The following KIAA0586 variants were observed in gnomAD, a reference collection of about 807,000 sequenced individuals.
The protein encoded by KIAA0586 is KIAA0586.
KIAA0586 carries 144 observed loss-of-function variants against 169.8 expected under a neutral mutation model. The ratio of observed to expected loss-of-function variants is 0.85; its 90% confidence interval spans 0.74 to 0.97. The LOEUF (loss-of-function observed/expected upper bound fraction) is 0.97, where lower values mean the gene tolerates loss of function less well. KIAA0586 is among the 50% of genes least tolerant of loss of function. The probability of loss-of-function intolerance (pLI) is 0.00; values close to 1 mark genes in which losing one functional copy is unlikely to be tolerated. For missense variants in KIAA0586, 1,854 were observed against 1,823.0 expected, an observed-to-expected ratio of 1.02 and a Z score of -0.31; for synonymous variants, 625 against 612.4, an observed-to-expected ratio of 1.02 and a Z score of -0.30.
chr14:58,517,780 A>C (rs1356985314), intron 29 of KIAA0586, among the ~76,000 whole-genome samples: 2 of 152,218 alleles, frequency 1.3e-5, no homozygotes, highest in Admixed American at 6.5e-5. Context: ...ATACAATGGA[A>C]TAGTACTCAG....
intron 9 of KIAA0586, among the ~76,000 whole-genome samples, chr14:58,455,712 ATGCACATGCATG>A (rs2039776712): frequency 6.6e-6 from 1 of 151,990 alleles, no homozygotes; most frequent in Non-Finnish European, 1.5e-5. Flanking sequence ...GTGCGAGTGC[ATGCACATGCATG>A]TGCTAGAGCA....
chr14:58,492,465 A>G (rs2042898112), intron 26 of KIAA0586, among the ~76,000 whole-genome samples, 190 bp downstream of exon 26: 1 of 152,192 alleles, frequency 6.6e-6, no homozygotes, highest in Admixed American at 6.6e-5. Context: ...ATCTGTTCCA[A>G]CCACCTTGTT....
chr14:58,540,855 C>G (rs1305717197), intron 30 of KIAA0586, among the ~76,000 whole-genome samples: 1 of 152,056 alleles, frequency 6.6e-6, no homozygotes, highest in East Asian at 1.9e-4. Flanking sequence ...GATGAGGCAC[C>G]TTCTTCATCA....
Position 58,472,267 on chromosome 14 carries a change from C to A in KIAA0586, c.2622C>A (p.Ile874=). ...CAGGAACTAACTTTGATGAAATAAT[C>A]GATGTCATACAGGTAACAAAGCTTA... is the stretch of plus-strand genomic sequence containing the variant. ...KFPGTNFDEI[I]DVIQEEEKCD... Residue 874 remains isoleucine, a synonymous_variant, in exon 18 of 31, where the codon ATC becomes ATA. Transcript: ENST00000652326. 1 of 1,551,128 alleles carries A rather than the reference C, an allele frequency of 6.4e-7. No homozygotes were observed. Among genetic ancestry groups the A allele is most frequent in the South Asian group, 1.2e-5 (1 of 81,780 alleles).
intron 8 of KIAA0586, among the ~76,000 whole-genome samples, chr14:58,452,382 A>C (rs1391865153): frequency 2.0e-5 from 3 of 152,224 alleles, no homozygotes; most frequent in Non-Finnish European, 2.9e-5. Context: ...AATTCTTGGA[A>C]TCATTTAAAT....
At chr14:58,470,449 A>C (rs2041119754) in intron 16 of KIAA0586, among the ~76,000 whole-genome samples, 164 bp from the exon 17 acceptor site, 1 of 152,126 alleles carries the variant, frequency 6.6e-6, no homozygotes, top group South Asian at 2.1e-4. Context: ...TTCATAATTA[A>C]AAAATTTTGT....
chr14:58,471,465 T>C (rs912860550), intron 17 of KIAA0586, among the ~76,000 whole-genome samples: 1 of 152,238 alleles, frequency 6.6e-6, no homozygotes, highest in African/African-American at 2.4e-5. Context: ...AATGAAGTTA[T>C]GGCTTTACTA....
At chr14:58,515,920 A>T (rs2044719188) in intron 29 of KIAA0586, among the ~76,000 whole-genome samples, 1 of 151,642 alleles carries the variant, frequency 6.6e-6, no homozygotes, top group Non-Finnish European at 1.5e-5. Flanking sequence ...AAAATCATTA[A>T]CATTTCTTGA....
At chr14:58,482,910 ACAGGCACCAGCCAC>A (rs1432619761) in intron 21 of KIAA0586, among the ~76,000 whole-genome samples, 198 bp downstream of exon 21, 16 of 152,166 alleles carry the variant, frequency 1.1e-4, no homozygotes, top group African/African-American at 3.6e-4. Context: ...AGCTGGGATT[ACAGGCACCAGCCAC>A]CATGCCCAGC....
chr14:58,557,191 T>C, the KIAA0586 span, among the ~76,000 whole-genome samples: 28 of 152,218 alleles, frequency 1.8e-4, no homozygotes, highest in Non-Finnish European at 3.8e-4. Context: ...GCATTTATTT[T>C]AGTAGACAGA....
At chr14:58,465,250 TTGTC>T (rs935995533) in intron 14 of KIAA0586, among the ~76,000 whole-genome samples, 33 of 152,286 alleles carry the variant, frequency 2.2e-4, no homozygotes, top group Middle Eastern at 3.4e-3. Context: ...TAGAATTTGA[TTGTC>T]TGTACATAAT....
chr14:58,436,541 C>T (rs1047930286), intron 4 of KIAA0586, among the ~76,000 whole-genome samples: 5 of 151,932 alleles, frequency 3.3e-5, no homozygotes, highest in Non-Finnish European at 7.4e-5. Flanking sequence ...TGGCTGTGGT[C>T]AGTCTTAAAA....
At chr14:58,552,764 T>G (rs1221642082), downstream of KIAA0586, among the ~76,000 whole-genome samples, 2 of 152,342 alleles carry the variant, frequency 1.3e-5, no homozygotes, top group South Asian at 2.1e-4. Flanking sequence ...CCAGGAGTAG[T>G]TCTCAGTATA....
intron 18 of KIAA0586, among the ~76,000 whole-genome samples, chr14:58,473,994 A>C (rs1203308101): frequency 6.6e-6 from 1 of 152,254 alleles, no homozygotes; most frequent in East Asian, 1.9e-4. Flanking sequence ...ACTTCTGGTC[A>C]GGACCTCAGG....
At chr14:58,464,120 A>G (rs1595211620) in intron 14 of KIAA0586, 1 of 401,872 alleles carries the variant, frequency 2.5e-6, no homozygotes, top group Non-Finnish European at 5.0e-6. Context: ...GCTGGGCTGG[A>G]AGAACTGGAA....
At chr14:58,555,099 CTTTTTTT>C (rs35845234), downstream of KIAA0586, among the ~76,000 whole-genome samples, 3 of 102,560 alleles carry the variant, frequency 2.9e-5, no homozygotes, top group Non-Finnish European at 5.5e-5. Flanking sequence ...TTCTTTCTTT[CTTTTTTT>C]TTTTTTTTTT....
Position 58,548,212 on chromosome 14 carries a change from T to C in KIAA0586, c.*280T>C, listed in dbSNP as rs983652538. The C allele has an allele frequency of 2.3e-5, 7 of 307,166 alleles. No homozygotes were observed. The highest frequency in any genetic ancestry group is 1.5e-4 in the African/African-American group (7 of 46,482). The allele number at this position is 307,166 out of a possible 1,614,324, so 19.0% of individuals were successfully genotyped here. On this transcript the variant is annotated 3_prime_UTR_variant, in exon 31 of 31. Transcript: ENST00000652326. ...TTTTGACATCTAGGCATTTAATCTA[T>C]AGGTGTAATTATCTGTATGTATTTA...
At chr14:58,535,757 GTTAC>G (rs1320720778) in intron 29 of KIAA0586, among the ~76,000 whole-genome samples, 1 of 145,816 alleles carries the variant, frequency 6.9e-6, no homozygotes, top group East Asian at 2.0e-4. Context: ...TATCCTGACT[GTTAC>G]TAATTTTAGA....
chr14:58,451,285 G>A (rs1263099032), intron 8 of KIAA0586, among the ~76,000 whole-genome samples: 1 of 152,080 alleles, frequency 6.6e-6, no homozygotes, highest in Non-Finnish European at 1.5e-5. Context: ...GAGTACAATG[G>A]CGTGATCATG....
Sources: gnomAD v4.1 joint callset for allele counts (sites outside exome capture counted in the v4.1 genomes callset) on GRCh38, gnomAD v4.1.1 for gene constraint, MANE v1.5 for transcripts, NCBI Gene and HGNC (gene_info 2026-07-23, HGNC 2026-07-21) for gene names.